The following HNRNPC variants were observed in gnomAD, a reference collection of about 807,000 sequenced individuals.
HNRNPC encodes heterogeneous nuclear ribonucleoproteins C1/C2.
HNRNPC carries 3 observed loss-of-function variants against 33.2 expected under a neutral mutation model. The ratio of observed to expected loss-of-function variants is 0.09; its 90% CI spans 0.04 to 0.23. HNRNPC has a LOEUF of 0.23. Among genes scored for constraint, HNRNPC ranks in the 10% least tolerant of loss-of-function variants. The probability of loss-of-function intolerance (pLI) is 1.00; values close to 1 mark genes in which losing one functional copy is unlikely to be tolerated. For synonymous variants in HNRNPC, 121 were observed against 126.7 expected (o/e 0.96, Z 0.30); for missense variants, 143 against 366.7 (o/e 0.39, Z 4.98).
chr14:21,232,554 G>C (rs900945275), intron 3 of HNRNPC, among the ~76,000 whole-genome samples: 7 of 152,046 alleles, frequency 4.6e-5, no homozygotes, highest in Non-Finnish European at 1.0e-4. Context: ...TTTTAATAGA[G>C]ATGGCTTTTC....
At position 21,267,116 on chromosome 14, in the gene HNRNPC, A is replaced by C. The variant is rs1474003525; in HGVS notation, c.-63+2182T>G. ...GTCTCAAAAAAAAAAAAAAAAAAAAAAAAAAAAAAAACAAAACTGCTTTTA... is the reference window on the plus strand; with the variant it reads ...GTCTCAAAAAAAAAAAAAAAAAAAACAAAAAAAAAAACAAAACTGCTTTTA... On this transcript the variant is annotated intron_variant, in intron 1 of 8. Transcript: ENST00000553300. Among the ~76,000 whole-genome samples, 1,043 of 115,502 alleles carry C rather than the reference A, an allele frequency of 9.0e-3. 16 individuals carry two copies. Among genetic ancestry groups the C allele is most frequent in the African/African-American group, 0.031 (948 of 30,550 alleles). The allele number at this position is 115,502 out of a possible 152,430, so 75.8% of individuals were successfully genotyped here.
chr14:21,258,131 G>T (rs1348735931), intron 2 of HNRNPC, among the ~76,000 whole-genome samples: 1 of 152,176 alleles, frequency 6.6e-6, no homozygotes, highest in East Asian at 1.9e-4. Flanking sequence ...AGTGGCTCAC[G>T]CCTGTAATCC....
intron 2 of HNRNPC, among the ~76,000 whole-genome samples, chr14:21,236,911 C>T (rs966826197): frequency 1.3e-5 from 2 of 152,122 alleles, no homozygotes; most frequent in African/African-American, 4.8e-5. Flanking sequence ...GCAGTAAAGG[C>T]AAGCCAGCAT....
At chr14:21,227,818 T>G (rs1893649696) in intron 5 of HNRNPC, among the ~76,000 whole-genome samples, 1 of 152,202 alleles carries the variant, frequency 6.6e-6, no homozygotes, top group Admixed American at 6.6e-5. Context: ...TAAAACTTGA[T>G]ACACTCATAA....
At chr14:21,232,414 A>G (rs1405142398) in intron 3 of HNRNPC, among the ~76,000 whole-genome samples, 1 of 151,940 alleles carries the variant, frequency 6.6e-6, no homozygotes, top group African/African-American at 2.4e-5. Context: ...GTCTTGCCCC[A>G]TTGCCCAGGC....
At position 21,231,616 on chromosome 14, in the gene HNRNPC, T is replaced by C. The variant is rs1344748306; in HGVS notation, c.242-544A>G. On this transcript the variant is annotated intron_variant, in intron 3 of 8. Transcript: ENST00000553300. ...AGCTCAGCTTCATCTCTCCTTTTAATATTAAAAAGGCTCACAAATTTTTAC... is the reference window on the plus strand; with the variant it reads ...AGCTCAGCTTCATCTCTCCTTTTAACATTAAAAAGGCTCACAAATTTTTAC... Among the ~76,000 whole-genome samples the C allele has an allele frequency of 3.3e-5, 5 of 152,314 alleles. No homozygotes were observed. In the East Asian group the frequency reaches 9.6e-4, roughly 29 times the overall value.
At chr14:21,235,747 T>C (rs892497621) in intron 2 of HNRNPC, among the ~76,000 whole-genome samples, 6 of 152,156 alleles carry the variant, frequency 3.9e-5, no homozygotes, top group African/African-American at 1.4e-4. Context: ...CTACTGCTGG[T>C]TATTAAGATT....
chr14:21,240,109 C>T (rs546056428), intron 2 of HNRNPC, among the ~76,000 whole-genome samples: 2 of 152,230 alleles, frequency 1.3e-5, no homozygotes, highest in East Asian at 1.9e-4. Flanking sequence ...ATATGCTTGT[C>T]TGTTTTATCA....
chr14:21,217,028 T>C (rs375222061), intron 5 of HNRNPC, among the ~76,000 whole-genome samples: 2 of 152,238 alleles, frequency 1.3e-5, no homozygotes, highest in East Asian at 1.9e-4. Context: ...TTTGAATCTA[T>C]GTTAACAGTC....
At chr14:21,211,675 A>G (rs1395644693) in intron 7 of HNRNPC, 109 bp from the exon 8 acceptor site, 1 of 1,429,720 alleles carries the variant, frequency 7.0e-7, no homozygotes, top group Non-Finnish European at 9.6e-7. Context: ...CCTCCCACAC[A>G]AATACCCTTC....
At chr14:21,250,556 T>C (rs904048948) in intron 2 of HNRNPC, among the ~76,000 whole-genome samples, 3 of 152,220 alleles carry the variant, frequency 2.0e-5, no homozygotes, top group Admixed American at 2.0e-4. Context: ...AGAGTTCAGA[T>C]AATTCAAAGC....
Position 21,218,425 on chromosome 14 carries a change from C to T in HNRNPC, c.366-5308G>A, listed in dbSNP as rs1027985639. 7.2e-5 allele frequency among the ~76,000 whole-genome samples: 11 copies of T among 152,100 alleles called. 3 individuals carry two copies. Among genetic ancestry groups the T allele is most frequent in the Admixed American group, 7.2e-4 (11 of 15,276 alleles). Reference sequence around the variant, plus strand: ...TTGAGGCTGGGCATGGTAGCCCATGCCTGTAATCCCAGCACTTCCGGAGGC... The same window carrying T: ...TTGAGGCTGGGCATGGTAGCCCATGTCTGTAATCCCAGCACTTCCGGAGGC... On this transcript the variant is annotated intron_variant, in intron 5 of 8. Transcript: ENST00000553300.
intron 5 of HNRNPC, among the ~76,000 whole-genome samples, chr14:21,217,186 A>G (rs752327654): frequency 6.6e-6 from 1 of 152,248 alleles, no homozygotes; most frequent in Non-Finnish European, 1.5e-5. Context: ...TCCTTGCCTC[A>G]AAATGTTCGT....
chr14:21,222,279 A>G (rs1481175246), intron 5 of HNRNPC, among the ~76,000 whole-genome samples: 1 of 152,092 alleles, frequency 6.6e-6, no homozygotes, highest in East Asian at 1.9e-4. Flanking sequence ...CCATATAATC[A>G]CCATACAACC....
chr14:21,245,084 C>CAAAAAAAA (rs71112560), intron 2 of HNRNPC, among the ~76,000 whole-genome samples: 15 of 54,454 alleles, frequency 2.8e-4, no homozygotes, highest in African/African-American at 3.2e-4. Flanking sequence ...GACTCCATCT[C>CAAAAAAAA]AAAAAAAAAA....
intron 5 of HNRNPC, among the ~76,000 whole-genome samples, chr14:21,220,379 C>G (rs1429593176): frequency 2.0e-5 from 3 of 152,054 alleles, no homozygotes; most frequent in Non-Finnish European, 2.9e-5. Context: ...AGGCGCCCAC[C>G]ACCACGCCCA....
chr14:21,255,030 C>G (rs1876928859), intron 2 of HNRNPC, among the ~76,000 whole-genome samples: 1 of 152,088 alleles, frequency 6.6e-6, no homozygotes, highest in South Asian at 2.1e-4. Context: ...GAAAACTTTT[C>G]TTCTCGCTCT....
chr14:21,216,624 G>T (rs539748518), intron 5 of HNRNPC, among the ~76,000 whole-genome samples: 1 of 152,088 alleles, frequency 6.6e-6, no homozygotes, highest in African/African-American at 2.4e-5. Flanking sequence ...GACAACAATC[G>T]CTTGAACCTA....
At chr14:21,259,713 G>A (rs2139008742) in intron 2 of HNRNPC, among the ~76,000 whole-genome samples, 1 of 152,036 alleles carries the variant, frequency 6.6e-6, no homozygotes, top group African/African-American at 2.4e-5. Context: ...GTCCAAGCCA[G>A]GTCGTTATTC....
Sources: gnomAD v4.1 joint callset for allele counts (sites outside exome capture counted in the v4.1 genomes callset) on GRCh38, gnomAD v4.1.1 for gene constraint, MANE v1.5 for transcripts, NCBI Gene and HGNC (gene_info 2026-07-23, HGNC 2026-07-21) for gene names.